Variants in NT5C2 observed in about 807,000 individuals in gnomAD.
NT5C2 encodes cytosolic purine 5'-nucleotidase.
NT5C2 carries 58 observed loss-of-function variants against 76.1 expected under a neutral mutation model. The ratio of observed to expected loss-of-function variants is 0.76; its 90% CI spans 0.62 to 0.95. NT5C2 has a LOEUF of 0.95. Ranked by LOEUF, NT5C2 falls within the 40% of genes least tolerant of loss-of-function variation. The pLI, the probability that NT5C2 is intolerant of heterozygous loss-of-function variation, is 0.00. For synonymous variants in NT5C2, 229 were observed against 237.4 expected, an observed-to-expected ratio of 0.96 and a Z score of 0.32; for missense variants, 478 against 690.3, an observed-to-expected ratio of 0.69 and a Z score of 3.45.
At chr10:103,092,514 C>A (rs778105083) in intron 15 of NT5C2, among the ~76,000 whole-genome samples, 1 of 152,204 alleles carries the variant, frequency 6.6e-6, no homozygotes, top group Non-Finnish European at 1.5e-5. Flanking sequence ...GGGCTCCTAC[C>A]CCAGGCAGGC....
At chr10:103,165,386 G>A (rs1052960051) in intron 3 of NT5C2, among the ~76,000 whole-genome samples, 4 of 151,914 alleles carry the variant, frequency 2.6e-5, no homozygotes, top group East Asian at 1.9e-4. Flanking sequence ...CCAGCTACTC[G>A]GGAAGCTGAG....
At chr10:103,090,224 A>T (rs1434492223) in intron 18 of NT5C2, 3 of 332,522 alleles carry the variant, frequency 9.0e-6, no homozygotes, top group South Asian at 9.1e-5. Context: ...TAAAAACCAC[A>T]TTTTCTTTTT....
chr10:103,151,723 C>T (rs1007532340), intron 3 of NT5C2, among the ~76,000 whole-genome samples: 2 of 152,074 alleles, frequency 1.3e-5, no homozygotes, highest in African/African-American at 2.4e-5. Flanking sequence ...AATGATAACA[C>T]GGTACTAAAT....
intron 3 of NT5C2, among the ~76,000 whole-genome samples, chr10:103,161,869 C>T (rs567043759): frequency 7.9e-5 from 12 of 152,092 alleles, no homozygotes; most frequent in South Asian, 2.1e-4. Context: ...GTGGCTGACA[C>T]GGGCTGGAGA....
intron 3 of NT5C2, among the ~76,000 whole-genome samples, chr10:103,167,905 A>C (rs2086821274): frequency 6.6e-6 from 1 of 152,160 alleles, no homozygotes. Context: ...AAGTGCTAGG[A>C]TCACAGGCAT....
chr10:103,129,323 C>T (rs2077455268), intron 4 of NT5C2, among the ~76,000 whole-genome samples: 3 of 120,784 alleles, frequency 2.5e-5, no homozygotes, highest in Admixed American at 2.2e-4. Context: ...CCCGCCCGGC[C>T]AGCCGCCCCG....
rs894505784 is a variant in NT5C2, at chr10:103,131,928, G to GA, written c.175+7477dup. Among the ~76,000 whole-genome samples the GA allele has an allele frequency of 2.0e-3, 293 of 146,632 alleles. 1 individual carries two copies. The highest frequency in any genetic ancestry group is 6.1e-3 in the African/African-American group (244 of 39,880). ...CAGAGTGAGACACTGTCTCAAAAGA[G>GA]AAAAAAAAAATTATTTTTTAAAAAA... On this transcript the variant is annotated intron_variant, in intron 4 of 18. Coordinates refer to ENST00000404739, the MANE Select transcript of NT5C2 (RefSeq NM_001351169.2).
At chr10:103,164,066 C>A (rs555048115) in intron 3 of NT5C2, among the ~76,000 whole-genome samples, 2 of 151,874 alleles carry the variant, frequency 1.3e-5, no homozygotes, top group South Asian at 4.2e-4. Flanking sequence ...AAGTGAGACC[C>A]TATCTCTACG....
chr10:103,149,149 A>G (rs1214751058), intron 3 of NT5C2, among the ~76,000 whole-genome samples: 1 of 152,208 alleles, frequency 6.6e-6, no homozygotes, highest in Non-Finnish European at 1.5e-5. Flanking sequence ...TATTTTCCCC[A>G]GGTGACCGAA....
chr10:103,141,784 T>C (rs1170724179), intron 3 of NT5C2, among the ~76,000 whole-genome samples: 2 of 152,336 alleles, frequency 1.3e-5, no homozygotes, highest in Non-Finnish European at 2.9e-5. Flanking sequence ...ATACTGTGAT[T>C]GAACAAAAGA....
chr10:103,175,877 C>A (rs1410414820), intron 2 of NT5C2: 2 of 158,196 alleles, frequency 1.3e-5, no homozygotes, highest in Non-Finnish European at 2.8e-5. Context: ...GGGGGCAGTT[C>A]TTCTGCCTCT....
chr10:103,119,332 G>C (rs1292793158), intron 4 of NT5C2, among the ~76,000 whole-genome samples: 1 of 152,162 alleles, frequency 6.6e-6, no homozygotes, highest in African/African-American at 2.4e-5. Context: ...TCGCGCCATT[G>C]TACTCCAGCC....
At chr10:103,132,391 TAAA>T (rs1308545646) in intron 4 of NT5C2, among the ~76,000 whole-genome samples, 2 of 152,234 alleles carry the variant, frequency 1.3e-5, no homozygotes, top group Admixed American at 1.3e-4. Flanking sequence ...GAAAAACTGA[TAAA>T]AAACAAAGTC....
At chr10:103,105,334 T>C in intron 6 of NT5C2, 1 of 793,596 alleles carries the variant, frequency 1.3e-6, no homozygotes, top group Non-Finnish European at 1.7e-6. Context: ...TTAAAATTTT[T>C]TCAAAGCATT....
chr10:103,138,249 A>G (rs558295096), intron 4 of NT5C2, among the ~76,000 whole-genome samples: 43 of 152,276 alleles, frequency 2.8e-4, no homozygotes, highest in African/African-American at 9.9e-4. Flanking sequence ...AAGAAACCCC[A>G]GTACATCTCT....
chr10:103,096,672 C>T (rs1379120488), intron 11 of NT5C2, among the ~76,000 whole-genome samples: 4 of 151,626 alleles, frequency 2.6e-5, no homozygotes, highest in South Asian at 2.1e-4. Flanking sequence ...GTTAAAACCT[C>T]GTCTCTACTA....
intron 3 of NT5C2, among the ~76,000 whole-genome samples, chr10:103,163,867 AAAAC>A (rs2085619888): frequency 2.6e-5 from 3 of 116,930 alleles, no homozygotes; most frequent in Non-Finnish European, 6.2e-5. Flanking sequence ...ATACAAAAAA[AAAAC>A]AAAAAAAAAA....
At chr10:103,151,419 A>G (rs2082372902) in intron 3 of NT5C2, among the ~76,000 whole-genome samples, 1 of 151,050 alleles carries the variant, frequency 6.6e-6, no homozygotes, top group African/African-American at 2.4e-5. Context: ...AGCCAAGATT[A>G]CGCCACTGCA....
intron 4 of NT5C2, among the ~76,000 whole-genome samples, chr10:103,138,977 A>C (rs1248171798): frequency 6.6e-6 from 1 of 152,130 alleles, no homozygotes; most frequent in Non-Finnish European, 1.5e-5. Context: ...ATTGCACTCC[A>C]GCCTGGAGGA....
Sources: gnomAD v4.1 joint callset for allele counts (sites outside exome capture counted in the v4.1 genomes callset) on GRCh38, gnomAD v4.1.1 for gene constraint, MANE v1.5 for transcripts, NCBI Gene and HGNC (gene_info 2026-07-23, HGNC 2026-07-21) for gene names.